Variants in RGL1 observed in about 807,000 individuals in gnomAD.
RGL1 encodes ral guanine nucleotide dissociation stimulator-like 1.
Under a neutral mutation model 95.2 loss-of-function variants are expected in RGL1, and 24 were observed. The observed-to-expected ratio is 0.25, with a 90% CI of 0.18 to 0.35. The LOEUF (loss-of-function observed/expected upper bound fraction) is 0.35. RGL1 is among the 10% of genes least tolerant of loss of function. The pLI is 1.00. For missense variants in RGL1, 715 were observed against 936.3 expected (o/e 0.76, Z 3.08); for synonymous variants, 329 against 344.9 (o/e 0.95, Z 0.51).
chr1:183,739,126 G>A (rs952373272), intron 1 of RGL1, among the ~76,000 whole-genome samples: 4 of 152,186 alleles, frequency 2.6e-5, no homozygotes, highest in African/African-American at 7.2e-5. Flanking sequence ...GACTTCATAG[G>A]TCACACACTC....
chr1:183,912,033 A>G, intron 14 of RGL1, 49 bp from the exon 15 acceptor site: 1 of 1,548,362 alleles, frequency 6.5e-7, no homozygotes, highest in Non-Finnish European at 8.9e-7. Flanking sequence ...CTAATCATGG[A>G]TTCCAGATTT....
intron 1 of RGL1, among the ~76,000 whole-genome samples, chr1:183,715,763 A>G (rs1375496998): frequency 8.5e-5 from 12 of 141,306 alleles, no homozygotes; most frequent in Non-Finnish European, 1.6e-4. Flanking sequence ...TACATGTAGA[A>G]AGGGAGGGAG....
intron 2 of RGL1, among the ~76,000 whole-genome samples, chr1:183,845,982 T>C (rs1401932017): frequency 7.2e-5 from 11 of 152,206 alleles, no homozygotes; most frequent in Admixed American, 7.2e-4. Context: ...GAAGACAGTG[T>C]GGCGATTCCT....
At chr1:183,853,921 C>G (rs1415250268) in intron 3 of RGL1, among the ~76,000 whole-genome samples, 1 of 152,160 alleles carries the variant, frequency 6.6e-6, no homozygotes, top group Non-Finnish European at 1.5e-5. Flanking sequence ...AAGGGCTCCT[C>G]CCTTCACACA....
At chr1:183,691,860 G>A (rs1281473162) in intron 1 of RGL1, among the ~76,000 whole-genome samples, 1 of 151,942 alleles carries the variant, frequency 6.6e-6, no homozygotes, top group Non-Finnish European at 1.5e-5. Context: ...TTAAAGTCAA[G>A]CATTAAGAAA....
At chr1:183,869,752 TTG>T in intron 4 of RGL1, among the ~76,000 whole-genome samples, 1 of 152,322 alleles carries the variant, frequency 6.6e-6, no homozygotes, top group African/African-American at 2.4e-5. Context: ...GTCTTTGTCT[TTG>T]TGAGAGGAAA....
chr1:183,684,352 G>T (rs1278780271), intron 1 of RGL1, among the ~76,000 whole-genome samples: 2 of 152,160 alleles, frequency 1.3e-5, no homozygotes, highest in Non-Finnish European at 1.5e-5. Flanking sequence ...TGGGGTTTTT[G>T]TGTGGATGAC....
chr1:183,882,460 C>G (rs1170516932), intron 5 of RGL1, among the ~76,000 whole-genome samples: 1 of 152,160 alleles, frequency 6.6e-6, no homozygotes, highest in Non-Finnish European at 1.5e-5. Flanking sequence ...TCTAATTACA[C>G]CTCTAAATTA....
At position 183,806,500 on chromosome 1, in the gene RGL1, C is replaced by T. The variant is rs1020653365; in HGVS notation, c.138+15C>T. ...GATGGCTAGGGGTGAGTAAAGCTGG[C>T]GAGATGGTGAACTTTGGAATTTCAG... is the stretch of plus-strand genomic sequence containing the variant. On this transcript the variant is annotated intron_variant, in intron 2 of 17. Coordinates refer to ENST00000360851, the MANE Select transcript of RGL1 (RefSeq NM_001297671.3). The T allele has an allele frequency of 6.4e-6, 10 of 1,562,280 alleles. No individual in the cohort carries two copies. Among genetic ancestry groups the T allele is most frequent in the Middle Eastern group, 1.7e-4 (1 of 5,974 alleles).
intron 2 of RGL1, among the ~76,000 whole-genome samples, chr1:183,808,580 C>A (rs1388022071): frequency 6.6e-6 from 1 of 152,152 alleles, no homozygotes; most frequent in Non-Finnish European, 1.5e-5. Flanking sequence ...CAATTACAAA[C>A]CTTTCTCTTT....
At chr1:183,918,350 C>G (rs868276603) in intron 16 of RGL1, among the ~76,000 whole-genome samples, 14 of 152,064 alleles carry the variant, frequency 9.2e-5, no homozygotes, top group African/African-American at 2.9e-4. Context: ...AAGGAGCACC[C>G]GAGAGGTAGA....
At chr1:183,887,175 T>TTCCTTCCTTCCTTC (rs1558272497) in intron 7 of RGL1, among the ~76,000 whole-genome samples, 2 of 1,454 alleles carry the variant, frequency 1.4e-3, no homozygotes, top group Non-Finnish European at 1.7e-3. Context: ...TCCCTCCCTC[T>TTCCTTCCTTCCTTC]TTTCCTCCCT....
intron 1 of RGL1, among the ~76,000 whole-genome samples, chr1:183,805,997 T>A (rs867020302): frequency 1.1e-4 from 9 of 80,524 alleles, no homozygotes; most frequent in Admixed American, 5.3e-4. Flanking sequence ...TTTTTTTTTT[T>A]TTTTTTTTTT....
intron 3 of RGL1, among the ~76,000 whole-genome samples, chr1:183,849,853 AGTTG>A (rs1664722318): frequency 6.6e-6 from 1 of 152,090 alleles, no homozygotes; most frequent in Non-Finnish European, 1.5e-5. Flanking sequence ...TCTTCGGAAT[AGTTG>A]GTTGAGAATT....
intron 2 of RGL1, among the ~76,000 whole-genome samples, chr1:183,840,000 A>G (rs916180241): frequency 6.6e-6 from 1 of 152,242 alleles, no homozygotes; most frequent in African/African-American, 2.4e-5. Context: ...TTATGCTTAG[A>G]GTCAATGAAG....
At chr1:183,804,196 C>A (rs1397726432), upstream of RGL1, among the ~76,000 whole-genome samples, 3 of 16,200 alleles carry the variant, frequency 1.9e-4, no homozygotes, top group Non-Finnish European at 4.8e-4. Context: ...AGTGGGAGAC[C>A]TATTTTTTTT....
intron 2 of RGL1, among the ~76,000 whole-genome samples, chr1:183,771,312 A>T (rs1441453046): frequency 1.3e-5 from 2 of 151,984 alleles, no homozygotes; most frequent in Non-Finnish European, 2.9e-5. Flanking sequence ...AAAAAAAAAA[A>T]ACAAGAAAAA....
At chr1:183,852,536 A>G (rs1216973349) in intron 3 of RGL1, among the ~76,000 whole-genome samples, 1 of 152,180 alleles carries the variant, frequency 6.6e-6, no homozygotes, top group African/African-American at 2.4e-5. Flanking sequence ...AAATCTGGCC[A>G]GGCGTGGTGG....
At chr1:183,750,141 T>C (rs1210378778) in intron 2 of RGL1, among the ~76,000 whole-genome samples, 1 of 152,212 alleles carries the variant, frequency 6.6e-6, no homozygotes, top group Middle Eastern at 3.2e-3. Flanking sequence ...CTGGATAATA[T>C]CCTGAAGTGT....
Sources: allele counts gnomAD v4.1 joint callset (sites outside exome capture counted in the v4.1 genomes callset), GRCh38; gene constraint gnomAD v4.1.1; transcripts MANE v1.5; gene names NCBI Gene and HGNC (gene_info 2026-07-23, HGNC 2026-07-21).